ZC3HAV1: variants seen among roughly 807,000 people sequenced by gnomAD.
The protein encoded by ZC3HAV1 is zinc finger CCCH-type containing, antiviral 1.
Under a neutral mutation model 86.6 loss-of-function variants are expected in ZC3HAV1, and 41 were observed. That is an observed-to-expected ratio of 0.47 (90% CI 0.37 to 0.61). The LOEUF is 0.61. Ranked by LOEUF, ZC3HAV1 falls within the 20% of genes least tolerant of loss-of-function variation. The pLI is 0.00. For synonymous variants in ZC3HAV1, 421 were observed against 432.1 expected, an observed-to-expected ratio of 0.97 and a Z score of 0.32; for missense variants, 964 against 1,141.1, an observed-to-expected ratio of 0.84 and a Z score of 2.24.
intron 1 of ZC3HAV1, among the ~76,000 whole-genome samples, chr7:139,094,023 TA>T (rs1017421550): frequency 2.6e-5 from 4 of 152,148 alleles, no homozygotes; most frequent in Admixed American, 1.3e-4. Context: ...TTTGCTAAGC[TA>T]GCGATGCTGA....
At chr7:139,053,205 A>G (rs1384861249) in intron 12 of ZC3HAV1, among the ~76,000 whole-genome samples, 2 of 152,212 alleles carry the variant, frequency 1.3e-5, no homozygotes, top group Non-Finnish European at 2.9e-5. Flanking sequence ...AGCACGTATG[A>G]AGACTTTGGT....
At chr7:139,080,275 A>G (rs1251661110) in intron 3 of ZC3HAV1, 32 bp from the exon 4 acceptor site, 14 of 1,613,008 alleles carry the variant, frequency 8.7e-6, no homozygotes, top group Non-Finnish European at 1.1e-5. Flanking sequence ...ATGAAACAAA[A>G]TAATGAACAT....
At chr7:139,053,911 T>C in intron 11 of ZC3HAV1, 54 bp downstream of exon 11, 1 of 1,570,490 alleles carries the variant, frequency 6.4e-7, no homozygotes, top group Non-Finnish European at 8.6e-7. Context: ...AGGACGGATA[T>C]TAACTAATCC....
intron 1 of ZC3HAV1, among the ~76,000 whole-genome samples, chr7:139,091,710 G>C (rs949432798): frequency 2.0e-5 from 3 of 151,980 alleles, no homozygotes. Flanking sequence ...TCGAACTCCT[G>C]GGCTCAAGCG....
Position 139,097,414 on chromosome 7 carries a change from A to ATTTTT in ZC3HAV1, c.309-7656_309-7655insAAAAA, listed in dbSNP as rs1214039926. Among the ~76,000 whole-genome samples, 13 of 75,588 alleles carry ATTTTT rather than the reference A, an allele frequency of 1.7e-4. 1 individual carries two copies. Among genetic ancestry groups the ATTTTT allele is most frequent in the Non-Finnish European group, 2.3e-4 (10 of 43,556 alleles). 49.6% of individuals were successfully genotyped at this position (75,588 alleles called of 152,430 possible). On this transcript the variant is annotated intron_variant, in intron 1 of 12. Transcript: ENST00000242351. ...ATATTGGAACTCCATATATATATAT[A>ATTTTT]TATATATATATATATTTTTTTTTTT...
At chr7:139,095,607 G>A (rs188342405) in intron 1 of ZC3HAV1, among the ~76,000 whole-genome samples, 1 of 152,346 alleles carries the variant, frequency 6.6e-6, no homozygotes, top group East Asian at 1.9e-4. Context: ...GAGCAGAGGA[G>A]GCTGGGCCCG....
chr7:139,073,366 CAT>C (rs891596252), intron 7 of ZC3HAV1, among the ~76,000 whole-genome samples: 1 of 151,716 alleles, frequency 6.6e-6, no homozygotes, highest in Non-Finnish European at 1.5e-5. Context: ...AATTGGAGTA[CAT>C]GTTTGCTGAA....
At chr7:139,062,767 C>T (rs369818864) in intron 8 of ZC3HAV1, among the ~76,000 whole-genome samples, 2 of 152,098 alleles carry the variant, frequency 1.3e-5, no homozygotes, top group Non-Finnish European at 2.9e-5. Flanking sequence ...CAGTGGCTCA[C>T]GCCTGTAATC....
At position 139,046,445 on chromosome 7, in the gene ZC3HAV1, T is replaced by C. The variant is rs1009421961; in HGVS notation, c.*1149A>G. 1.3e-5 allele frequency: 2 copies of C among 152,242 alleles called. No homozygotes were observed. The highest frequency in any genetic ancestry group is 3.8e-4 in the East Asian group (2 of 5,202). 9.4% of individuals were successfully genotyped at this position (152,242 alleles called of 1,614,324 possible). A position where few individuals can be genotyped will look rare whatever the true frequency, so the allele number is the denominator to read the frequency against. On this transcript the variant is annotated 3_prime_UTR_variant, in exon 13 of 13. Transcript: ENST00000242351. ...ATTCATTGTTCTCAAAATACTTTCA[T>C]GAAAAGCCTGACCTGAGAAAAAGCC... is the stretch of plus-strand genomic sequence containing the variant.
chr7:139,076,686 G>A (rs1816961672), intron 5 of ZC3HAV1, among the ~76,000 whole-genome samples: 1 of 152,094 alleles, frequency 6.6e-6, no homozygotes, highest in African/African-American at 2.4e-5. Flanking sequence ...GAGGCCAGGA[G>A]TTCACAACCA....
At chr7:139,056,296 A>T (rs34070890) in intron 9 of ZC3HAV1, among the ~76,000 whole-genome samples, 1 of 151,596 alleles carries the variant, frequency 6.6e-6, no homozygotes, top group African/African-American at 2.4e-5. Flanking sequence ...GATTATAAGC[A>T]TCAGCCAGCA....
At chr7:139,095,708 A>C (rs1398433085) in intron 1 of ZC3HAV1, among the ~76,000 whole-genome samples, 1 of 152,106 alleles carries the variant, frequency 6.6e-6, no homozygotes, top group South Asian at 2.1e-4. Flanking sequence ...CCACCAAAAT[A>C]TCATCTTTCT....
chr7:139,109,452 G>C lies in ZC3HAV1; in HGVS notation c.-121C>G. ...GGTGCTACTGCTGGGCGCGCCCGGA[G>C]TCAGCGAGGGCGCGCTCTCCGTCGC... On this transcript the variant is annotated 5_prime_UTR_variant, in exon 1 of 13. Transcript: ENST00000242351. 1 of 1,251,360 alleles carries C rather than the reference G, an allele frequency of 8.0e-7. No individual in the cohort carries two copies. The highest frequency in any genetic ancestry group is 1.1e-6 in the Non-Finnish European group (1 of 936,484). The allele number at this position is 1,251,360 out of a possible 1,614,324, so 77.5% of individuals were successfully genotyped here.
chr7:139,079,138 G>A lies in ZC3HAV1; in HGVS notation c.1471+332C>T, dbSNP rs777541174. ...AGCCTGTTGTCTTCCTTGTGAGCTC[G>A]CTGGCAGAGGAAACAGGAACCTGGG... On this transcript the variant is annotated intron_variant, in intron 4 of 12. Transcript: ENST00000242351. 7.6e-5 allele frequency: 117 copies of A among 1,536,136 alleles called. 1 individual carries two copies. In the South Asian group the frequency reaches 7.7e-4, roughly 10 times the overall value.
At position 139,055,185 on chromosome 7, in the gene ZC3HAV1, A is replaced by G; in HGVS notation, c.2187+20T>C. On this transcript the variant is annotated intron_variant, in intron 10 of 12. Transcript: ENST00000242351. ...CTAACTTTTAACAGACTCATCCACCAAACATGTAAAACCAAGTACCTTATA... is the reference window on the plus strand; with the variant it reads ...CTAACTTTTAACAGACTCATCCACCGAACATGTAAAACCAAGTACCTTATA... 1 of 1,600,692 alleles carries G rather than the reference A, an allele frequency of 6.2e-7. No individual in the cohort carries two copies. Among genetic ancestry groups the G allele is most frequent in the South Asian group, 1.1e-5 (1 of 89,554 alleles).
Position 139,109,315 on chromosome 7 carries a change from A to T in ZC3HAV1, c.17T>A (p.Val6Glu), listed in dbSNP as rs1584881277. The change falls in exon 1 of 13, where the codon GTG (valine) becomes GAG (glutamate). Residue 6 changes from valine (V) to glutamate (E), a missense_variant. Transcript: ENST00000242351. Reference sequence around the variant, plus strand: ...CAGGATTTTGGTGATGAAGCAGCACACCTCCGGGTCCGCCATGGCGCGCTG... The same window carrying T: ...CAGGATTTTGGTGATGAAGCAGCACTCCTCCGGGTCCGCCATGGCGCGCTG... Reference protein sequence around the residue: MADPEVCCFITKILCA... With the variant: MADPEECCFITKILCA... The T allele has an allele frequency of 1.3e-6, 2 of 1,596,582 alleles. No individual in the cohort carries two copies. Among genetic ancestry groups the T allele is most frequent in the Non-Finnish European group, 1.7e-6 (2 of 1,170,958 alleles).
chr7:139,095,415 C>G (rs1164383033), intron 1 of ZC3HAV1, among the ~76,000 whole-genome samples: 1 of 152,242 alleles, frequency 6.6e-6, no homozygotes, highest in Middle Eastern at 3.4e-3. Flanking sequence ...TGGGGAGACA[C>G]AGAGGGTGGA....
intron 3 of ZC3HAV1, among the ~76,000 whole-genome samples, chr7:139,081,748 T>G (rs1020200371): frequency 6.6e-6 from 1 of 152,260 alleles, no homozygotes; most frequent in Admixed American, 6.5e-5. Flanking sequence ...CCTTTCTTTG[T>G]GGTTTCACTG....
At chr7:139,050,329 G>C (rs952124057) in intron 12 of ZC3HAV1, among the ~76,000 whole-genome samples, 1 of 151,796 alleles carries the variant, frequency 6.6e-6, no homozygotes, top group Admixed American at 6.6e-5. Context: ...CCTTTATTGT[G>C]TTAAGAAAGT....
Sources: gnomAD v4.1 joint callset for allele counts (sites outside exome capture counted in the v4.1 genomes callset) on GRCh38, gnomAD v4.1.1 for gene constraint, MANE v1.5 for transcripts, NCBI Gene and HGNC (gene_info 2026-07-23, HGNC 2026-07-21) for gene names.